Variants in MTOR observed in about 807,000 individuals in gnomAD.
The protein encoded by MTOR is mechanistic target of rapamycin kinase.
Under a neutral mutation model 319.8 loss-of-function variants are expected in MTOR, and 70 were observed. The ratio of observed to expected loss-of-function variants is 0.22; its 90% CI spans 0.18 to 0.27. The LOEUF (loss-of-function observed/expected upper bound fraction) is 0.27. Among genes scored for constraint, MTOR ranks in the 10% least tolerant of loss-of-function variants. The pLI, the probability that MTOR is intolerant of heterozygous loss-of-function variation, is 1.00. For missense variants in MTOR, 1,890 were observed against 3,274.4 expected (o/e 0.58, Z 10.32); for synonymous variants, 1,183 against 1,211.4 (o/e 0.98, Z 0.49).
At position 11,200,775 on chromosome 1, in the gene MTOR, G is replaced by C. The variant is rs187558340; in HGVS notation, c.3945-1072C>G. Among the ~76,000 whole-genome samples the C allele has an allele frequency of 6.6e-5, 10 of 152,270 alleles. No individual in the cohort carries two copies. The East Asian group carries it at 9.7e-4, about 15-fold the overall frequency. ...TCACGCCTGTAATCCCAGTACTTTG[G>C]GGGGCTGAGGCGGGCGGATCACAAG... On this transcript the variant is annotated intron_variant, in intron 26 of 57. Coordinates refer to ENST00000361445, the MANE Select transcript of MTOR (RefSeq NM_004958.4).
In MTOR at chr1:11,144,634, T is replaced by C; in HGVS notation, c.4872+14A>G. ...GGGGTAGGTGGGTGAACTGGGGCTTTCTACCAAGCTCACCTGCAGTCTCTC... is the reference window on the plus strand; with the variant it reads ...GGGGTAGGTGGGTGAACTGGGGCTTCCTACCAAGCTCACCTGCAGTCTCTC... On this transcript the variant is annotated intron_variant, in intron 34 of 57. Coordinates refer to ENST00000361445, the MANE Select transcript of MTOR (RefSeq NM_004958.4). 2 of 1,613,272 alleles carry C rather than the reference T, an allele frequency of 1.2e-6. No homozygotes were observed. The highest frequency in any genetic ancestry group is 1.7e-6 in the Non-Finnish European group (2 of 1,179,312).
intron 28 of MTOR, among the ~76,000 whole-genome samples, chr1:11,184,730 C>T (rs1571097335): frequency 1.3e-5 from 2 of 151,920 alleles, no homozygotes; most frequent in Admixed American, 1.3e-4. Flanking sequence ...GAGACTATGT[C>T]TCTAAAAAAA....
At chr1:11,164,334 G>GAAAAAAAAA (rs547043272) in intron 29 of MTOR, among the ~76,000 whole-genome samples, 1 of 60,162 alleles carries the variant, frequency 1.7e-5, no homozygotes, top group African/African-American at 5.4e-5. Context: ...GACTCTGCCT[G>GAAAAAAAAA]AAAAAAAAAA....
chr1:11,253,700 A>G, intron 6 of MTOR, 139 bp downstream of exon 6: 1 of 959,422 alleles, frequency 1.0e-6, no homozygotes, highest in Non-Finnish European at 1.5e-6. Context: ...ACTTGCTGCT[A>G]TCTGAAATTA....
At chr1:11,183,966 C>T (rs1275712180) in intron 28 of MTOR, among the ~76,000 whole-genome samples, 2 of 152,150 alleles carry the variant, frequency 1.3e-5, no homozygotes, top group African/African-American at 2.4e-5. Flanking sequence ...TATAAATACA[C>T]AAAATTAAGT....
At chr1:11,251,574 G>T (rs1048938105) in intron 6 of MTOR, among the ~76,000 whole-genome samples, 2 of 151,764 alleles carry the variant, frequency 1.3e-5, no homozygotes, top group Non-Finnish European at 2.9e-5. Context: ...AGTGTAGCTG[G>T]CATATACTAG....
At chr1:11,202,375 C>A (rs1328428919) in intron 26 of MTOR, among the ~76,000 whole-genome samples, 1 of 140,308 alleles carries the variant, frequency 7.1e-6, no homozygotes, top group East Asian at 2.2e-4. Flanking sequence ...GAGCCAAGAT[C>A]GCGCCACTGC....
At chr1:11,125,262 C>T (rs1175270270) in intron 46 of MTOR, among the ~76,000 whole-genome samples, 4 of 152,130 alleles carry the variant, frequency 2.6e-5, no homozygotes, top group African/African-American at 9.7e-5. Context: ...TTTGCTTACA[C>T]CTCTGGAAAC....
At chr1:11,187,673 T>C (rs1300117077) in intron 28 of MTOR, among the ~76,000 whole-genome samples, 2 of 152,238 alleles carry the variant, frequency 1.3e-5, no homozygotes. Flanking sequence ...TGTCATTTGA[T>C]GGCCAGGAGA....
chr1:11,108,881 G>A (rs1015956122), intron 56 of MTOR, among the ~76,000 whole-genome samples: 30 of 151,792 alleles, frequency 2.0e-4, no homozygotes, highest in African/African-American at 4.8e-4. Flanking sequence ...CCAGCTACTC[G>A]GGAGGCTGAG....
At chr1:11,204,443 C>T (rs1477910461) in intron 26 of MTOR, 118 bp downstream of exon 26, 2 of 1,349,214 alleles carry the variant, frequency 1.5e-6, no homozygotes, top group Middle Eastern at 2.8e-4. Context: ...TCTTTGTATC[C>T]CACAAAATTA....
chr1:11,199,065 A>C lies in MTOR; in HGVS notation c.4253+193T>G, dbSNP rs1645879481. ...GAGCCCAGGTGATAAGGGTCAACAG[A>C]AATGACAATCATGGCTAGATTCCTG... On this transcript the variant is annotated intron_variant, in intron 28 of 57. Transcript: ENST00000361445. The surrounding 1 kb of genome is among the most constrained non-coding windows in gnomAD (Gnocchi z 4.5). Among the ~76,000 whole-genome samples the C allele has an allele frequency of 6.6e-6, 1 of 152,258 alleles. No homozygotes were observed. The highest frequency in any genetic ancestry group is 2.4e-5 in the African/African-American group (1 of 41,464).
chr1:11,162,757 C>G (rs1349907672), intron 29 of MTOR, among the ~76,000 whole-genome samples: 1 of 152,128 alleles, frequency 6.6e-6, no homozygotes, highest in Admixed American at 6.5e-5. Flanking sequence ...CACCACCAGG[C>G]CTGCCTTACA....
At chr1:11,154,501 T>C (rs1644255985) in intron 30 of MTOR, among the ~76,000 whole-genome samples, 1 of 150,156 alleles carries the variant, frequency 6.7e-6, no homozygotes, top group Admixed American at 6.7e-5. Flanking sequence ...TTTCAAATAA[T>C]TGTGGAATAT....
chr1:11,118,066 C>T (rs187834365), intron 49 of MTOR, among the ~76,000 whole-genome samples: 6 of 151,028 alleles, frequency 4.0e-5, no homozygotes, highest in South Asian at 2.1e-4. Flanking sequence ...GCAACAAGAG[C>T]GAAACTCTCT....
At position 11,106,919 on chromosome 1, in the gene MTOR, T is replaced by C. The variant is rs1435380266; in HGVS notation, c.*566A>G. The stretch of plus-strand genomic sequence containing the variant: ...TGAGTCGCAGCATCACTGGGTCTGA[T>C]GGAAGACAGACCTTTTGTACTCATT... On this transcript the variant is annotated 3_prime_UTR_variant, in exon 58 of 58. Coordinates refer to ENST00000361445, the MANE Select transcript of MTOR (RefSeq NM_004958.4). 1.5e-6 allele frequency: 2 copies of C among 1,369,304 alleles called. No homozygotes were observed. The highest frequency in any genetic ancestry group is 3.4e-5 in the East Asian group (1 of 29,438). 84.8% of individuals were successfully genotyped at this position (1,369,304 alleles called of 1,614,324 possible).
At chr1:11,259,758 C>A (rs890602090) in intron 1 of MTOR, among the ~76,000 whole-genome samples, 3 of 152,024 alleles carry the variant, frequency 2.0e-5, no homozygotes, top group Admixed American at 1.3e-4. Flanking sequence ...GCCTGCCCAA[C>A]ATGGTGAAAA....
chr1:11,189,522 G>A lies in MTOR; in HGVS notation c.4253+9736C>T, dbSNP rs1645440725. The A allele has an allele frequency of 7.9e-6, 12 of 1,528,052 alleles. 1 individual carries two copies. The highest frequency in any genetic ancestry group is 3.9e-5 in the South Asian group (3 of 76,060). 94.7% of individuals were successfully genotyped at this position (1,528,052 alleles called of 1,614,324 possible). A position where few individuals can be genotyped will look rare whatever the true frequency, so the allele number is the denominator to read the frequency against. On this transcript the variant is annotated intron_variant, in intron 28 of 57. Transcript: ENST00000361445. ...GCCTGCTGCAGCTTTGCAGACCTCAGCTGGGCATCTCCAGACTCCCCTGAA... is the reference window on the plus strand; with the variant it reads ...GCCTGCTGCAGCTTTGCAGACCTCAACTGGGCATCTCCAGACTCCCCTGAA...
At chr1:11,226,924 C>T (rs1325521829) in intron 19 of MTOR, among the ~76,000 whole-genome samples, 4 of 137,228 alleles carry the variant, frequency 2.9e-5, no homozygotes, top group African/African-American at 8.2e-5. Flanking sequence ...CCCCCACCCC[C>T]GCCCCCGCCC....
Sources: allele counts gnomAD v4.1 joint callset (sites outside exome capture counted in the v4.1 genomes callset), GRCh38; gene constraint gnomAD v4.1.1; non-coding constraint Gnocchi (gnomAD v3.1); transcripts MANE v1.5; gene names NCBI Gene and HGNC (gene_info 2026-07-23, HGNC 2026-07-21).